The following RFC1 variants were observed in gnomAD, a reference collection of about 807,000 sequenced individuals.
RFC1 encodes the protein A1 140 kDa subunit.
A neutral mutation model predicts 137.4 loss-of-function variants in RFC1; 37 were observed. The observed-to-expected ratio is 0.27, with a 90% confidence interval of 0.21 to 0.35. The LOEUF (loss-of-function observed/expected upper bound fraction) is 0.35, where lower values mean the gene tolerates loss of function less well. Ranked by LOEUF, RFC1 falls within the 10% of genes least tolerant of loss-of-function variation. RFC1 has a pLI of 1.00. For missense variants in RFC1, 1,205 were observed against 1,358.5 expected, an observed-to-expected ratio of 0.89 and a Z score of 1.78; for synonymous variants, 429 against 455.7, an observed-to-expected ratio of 0.94 and a Z score of 0.75.
At chr4:39,295,509 A>C in intron 22 of RFC1, 105 bp downstream of exon 22, 1 of 962,914 alleles carries the variant, frequency 1.0e-6, no homozygotes, top group Non-Finnish European at 1.5e-6. Flanking sequence ...GTTACCAATA[A>C]AATAAAAACT....
intron 4 of RFC1, among the ~76,000 whole-genome samples, chr4:39,337,720 C>T (rs900870622): frequency 6.6e-6 from 1 of 152,118 alleles, no homozygotes; most frequent in African/African-American, 2.4e-5. Flanking sequence ...ATACACAAGA[C>T]TATATGTCTC....
chr4:39,306,496 A>G (rs974942843), intron 14 of RFC1, 96 bp downstream of exon 14: 2 of 669,740 alleles, frequency 3.0e-6, no homozygotes, highest in African/African-American at 1.8e-5. Context: ...CACCACACAC[A>G]CACATGCACA....
chr4:39,319,429 T>A (rs933030654), intron 9 of RFC1, among the ~76,000 whole-genome samples: 1 of 152,168 alleles, frequency 6.6e-6, no homozygotes, highest in African/African-American at 2.4e-5. Flanking sequence ...AAAAGTTGAA[T>A]AATAAAAATA....
chr4:39,303,006 C>T (rs2109612083), intron 16 of RFC1, 54 bp downstream of exon 16: 1 of 1,506,772 alleles, frequency 6.6e-7, no homozygotes, highest in Non-Finnish European at 9.2e-7. Context: ...TGACAATGTT[C>T]TAACAATCTA....
At chr4:39,306,852 A>G (rs1351197115) in intron 13 of RFC1, 151 bp from the exon 14 acceptor site, 1 of 614,014 alleles carries the variant, frequency 1.6e-6, no homozygotes, top group African/African-American at 1.9e-5. Flanking sequence ...AAGCATAAAC[A>G]AGTTTCCAGA....
chr4:39,300,758 T>C (rs1397944574), intron 19 of RFC1, among the ~76,000 whole-genome samples: 1 of 152,122 alleles, frequency 6.6e-6, no homozygotes, highest in Non-Finnish European at 1.5e-5. Context: ...CACAATGTAA[T>C]ATTATTCAAC....
chr4:39,328,235 C>T (rs916741242), intron 4 of RFC1, among the ~76,000 whole-genome samples: 14 of 152,138 alleles, frequency 9.2e-5, no homozygotes, highest in African/African-American at 3.4e-4. Context: ...GCCTGTAATA[C>T]GCTATATCCC....
intron 21 of RFC1, among the ~76,000 whole-genome samples, chr4:39,298,245 C>T (rs1263123363): frequency 3.5e-5 from 5 of 143,118 alleles, no homozygotes; most frequent in Middle Eastern, 3.5e-3. Context: ...GAGGGCAAGG[C>T]TGCAGTGAGC....
chr4:39,299,320 G>C (rs1290719742), intron 21 of RFC1, among the ~76,000 whole-genome samples: 1 of 152,136 alleles, frequency 6.6e-6, no homozygotes, highest in Non-Finnish European at 1.5e-5. Flanking sequence ...TGAAGGCTGT[G>C]AGACCCCTGA....
intron 4 of RFC1, among the ~76,000 whole-genome samples, chr4:39,335,820 G>A (rs547032059): frequency 6.6e-6 from 1 of 152,352 alleles, no homozygotes; most frequent in Non-Finnish European, 1.5e-5. Flanking sequence ...GGAGAGAACA[G>A]TGCTGGTCTC....
chr4:39,346,577 A>C (rs1196783546), intron 2 of RFC1, among the ~76,000 whole-genome samples: 2 of 152,214 alleles, frequency 1.3e-5, no homozygotes, highest in Non-Finnish European at 2.9e-5. Flanking sequence ...TTTTCTCAGA[A>C]AGCATCAAGA....
intron 23 of RFC1, among the ~76,000 whole-genome samples, chr4:39,290,345 G>T (rs1365508857): frequency 6.7e-6 from 1 of 149,448 alleles, no homozygotes; most frequent in Non-Finnish European, 1.5e-5. Context: ...TGCACTCCAG[G>T]CTGGGTAACA....
rs1560600174 is a variant in RFC1 at position 39,312,862 on chromosome 4, C to T, written c.1273G>A (p.Glu425Lys). The T allele has an allele frequency of 6.2e-7, 1 of 1,614,086 alleles. No homozygotes were observed. Among genetic ancestry groups the T allele is most frequent in the African/African-American group, 1.3e-5 (1 of 75,008 alleles). Residue 425 changes from glutamate (E) to lysine (K), a missense_variant, in exon 11 of 25, where the codon GAG (glutamate) becomes AAG (lysine). Coordinates refer to ENST00000349703, the MANE Select transcript of RFC1 (RefSeq NM_002913.5). ...TAACGTTCAATTAGAGACTTGGCCT[C>T]ATCTCGTTCAATAGACTCCAGCACG... ...TGVLESIERD[E>K]AKSLIERYGG... is the part of the protein sequence containing the mutation.
chr4:39,355,080 CAAA>C (rs535213645), intron 1 of RFC1, among the ~76,000 whole-genome samples: 1 of 87,160 alleles, frequency 1.1e-5, no homozygotes, highest in Non-Finnish European at 2.1e-5. Flanking sequence ...ACACTCATCT[CAAA>C]AAAAAAAAAA....
At chr4:39,364,485 G>T (rs890251550) in intron 1 of RFC1, among the ~76,000 whole-genome samples, 5 of 152,120 alleles carry the variant, frequency 3.3e-5, no homozygotes, top group Non-Finnish European at 5.9e-5. Context: ...CTGAGAAGAG[G>T]TCTATTTTTT....
intron 8 of RFC1, 67 bp from the exon 9 acceptor site, chr4:39,320,736 C>T (rs1739481016): frequency 7.0e-7 from 1 of 1,428,668 alleles, no homozygotes; most frequent in African/African-American, 1.4e-5. Flanking sequence ...ACTTTTCTTT[C>T]ATTTTTCAAC....
intron 4 of RFC1, among the ~76,000 whole-genome samples, chr4:39,335,855 T>C (rs1740322833): frequency 6.6e-6 from 1 of 152,178 alleles, no homozygotes; most frequent in Non-Finnish European, 1.5e-5. Flanking sequence ...GTATAAGTCA[T>C]TTTGTATATT....
chr4:39,337,461 T>TGC, intron 4 of RFC1, among the ~76,000 whole-genome samples: 1 of 150,912 alleles, frequency 6.6e-6, no homozygotes, highest in East Asian at 1.9e-4. Flanking sequence ...TGTGTGTGTG[T>TGC]GTGTGTGTGT....
intron 10 of RFC1, among the ~76,000 whole-genome samples, chr4:39,316,415 A>G (rs1013750343): frequency 2.6e-5 from 4 of 151,982 alleles, no homozygotes; most frequent in Non-Finnish European, 5.9e-5. Flanking sequence ...AACATCATAC[A>G]TTCTGGCCCC....
Sources: allele counts gnomAD v4.1 joint callset (sites outside exome capture counted in the v4.1 genomes callset), GRCh38; gene constraint gnomAD v4.1.1; transcripts MANE v1.5; gene names NCBI Gene and HGNC (gene_info 2026-07-23, HGNC 2026-07-21).